WDPCP: variants seen among roughly 807,000 people sequenced by gnomAD.
WDPCP encodes WD repeat containing planar cell polarity effector.
WDPCP carries 71 observed loss-of-function variants against 93.1 expected under a neutral mutation model. The observed-to-expected ratio is 0.76, with a 90% confidence interval of 0.63 to 0.93. The LOEUF (loss-of-function observed/expected upper bound fraction) is 0.93, where lower values mean the gene tolerates loss of function less well. WDPCP is among the 40% of genes least tolerant of loss of function. The pLI, the probability that WDPCP is intolerant of heterozygous loss-of-function variation, is 0.00. For synonymous variants in WDPCP, 315 were observed against 315.0 expected, an observed-to-expected ratio of 1.00 and a Z score of 0.00; for missense variants, 844 against 887.4, an observed-to-expected ratio of 0.95 and a Z score of 0.62.
intron 15 of WDPCP, among the ~76,000 whole-genome samples, chr2:63,161,984 G>A (rs1672678757): frequency 6.6e-6 from 1 of 152,006 alleles, no homozygotes; most frequent in African/African-American, 2.4e-5. Context: ...TGGCCAGGCT[G>A]GTCTTGAACT....
At chr2:63,784,024 C>A (rs1302330980) in intron 2 of WDPCP, among the ~76,000 whole-genome samples, 4 of 152,292 alleles carry the variant, frequency 2.6e-5, no homozygotes, top group East Asian at 3.9e-4. Flanking sequence ...GTTTGTGTAA[C>A]CTTTATTCAT....
chr2:63,511,409 T>C (rs539236723), intron 1 of WDPCP, among the ~76,000 whole-genome samples: 1 of 152,284 alleles, frequency 6.6e-6, no homozygotes, highest in East Asian at 1.9e-4. Context: ...TTAAATTTCA[T>C]ATGGAACCAA....
intron 14 of WDPCP, among the ~76,000 whole-genome samples, chr2:63,213,884 A>C (rs1677065113): frequency 6.6e-6 from 1 of 152,170 alleles, no homozygotes; most frequent in Non-Finnish European, 1.5e-5. Context: ...GAAATGGATA[A>C]ATTCCTGTAC....
At chr2:63,182,201 A>G (rs1674297939) in intron 14 of WDPCP, among the ~76,000 whole-genome samples, 1 of 152,068 alleles carries the variant, frequency 6.6e-6, no homozygotes, top group Non-Finnish European at 1.5e-5. Context: ...GAGTGGTGAA[A>G]GTGGTCATCA....
At chr2:63,204,743 TGG>T (rs1676200843) in intron 14 of WDPCP, among the ~76,000 whole-genome samples, 1 of 152,168 alleles carries the variant, frequency 6.6e-6, no homozygotes, top group Non-Finnish European at 1.5e-5. Flanking sequence ...TTATATATTC[TGG>T]TTATTAATCC....
chr2:63,433,754 T>A lies in WDPCP; in HGVS notation c.816A>T (p.Gly272=). Reference sequence around the variant, plus strand: ...TTTGTTTTAGATTTACCTCTAGTCTTCCTTGAGCATAACCCAGGAGGAGTA... The same window carrying A: ...TTTGTTTTAGATTTACCTCTAGTCTACCTTGAGCATAACCCAGGAGGAGTA... ...ANLLLLGYAQ[G]RLEVLSSVRT... The change falls in exon 9 of 18, where the codon GGA becomes GGT. Residue 272 remains glycine (G), a synonymous_variant. Transcript: ENST00000272321. 6.2e-7 allele frequency: 1 copy of A among 1,613,012 alleles called. No individual in the cohort carries two copies. The highest frequency in any genetic ancestry group is 8.5e-7 in the Non-Finnish European group (1 of 1,179,412).
chr2:63,795,868 TC>T (rs1452511408), intron 2 of WDPCP, among the ~76,000 whole-genome samples: 1 of 152,208 alleles, frequency 6.6e-6, no homozygotes, highest in Admixed American at 6.5e-5. Flanking sequence ...CTCCGATTAT[TC>T]CTTATTGAAA....
intron 17 of WDPCP, among the ~76,000 whole-genome samples, chr2:63,140,922 C>G (rs1251137127): frequency 1.3e-5 from 2 of 152,100 alleles, no homozygotes; most frequent in African/African-American, 4.8e-5. Context: ...CAACTTTTCC[C>G]CATTCAGTAT....
At chr2:63,605,852 A>C (rs1709516930) in intron 3 of WDPCP, 1 of 1,076,382 alleles carries the variant, frequency 9.3e-7, no homozygotes, top group Admixed American at 1.7e-5. Context: ...ACATAGTAAG[A>C]AAGGGTCACC....
chr2:63,320,411 G>A (rs1188955297), intron 12 of WDPCP, among the ~76,000 whole-genome samples: 1 of 152,070 alleles, frequency 6.6e-6, no homozygotes, highest in Admixed American at 6.6e-5. Flanking sequence ...GTAAATACCT[G>A]GGCAAATATA....
At chr2:63,390,867 A>G (rs1031528520) in intron 10 of WDPCP, among the ~76,000 whole-genome samples, 5 of 152,252 alleles carry the variant, frequency 3.3e-5, no homozygotes, top group Admixed American at 2.6e-4. Context: ...GAATAAACCA[A>G]TAACAGGCTC....
At chr2:63,589,533 TGCA>T, upstream of WDPCP, 2 of 774,756 alleles carry the variant, frequency 2.6e-6, no homozygotes, top group South Asian at 3.2e-5. Context: ...GATCTGCGTT[TGCA>T]GCAGACGTGT....
chr2:63,832,354 C>A (rs1480253101), upstream of WDPCP, among the ~76,000 whole-genome samples: 1 of 152,108 alleles, frequency 6.6e-6, no homozygotes, highest in Non-Finnish European at 1.5e-5. Flanking sequence ...CTTCTTGAGT[C>A]ACATAACATT....
At chr2:63,553,541 T>G (rs1705840336) in intron 1 of WDPCP, among the ~76,000 whole-genome samples, 1 of 152,166 alleles carries the variant, frequency 6.6e-6, no homozygotes, top group African/African-American at 2.4e-5. Flanking sequence ...TCAACATGTC[T>G]CATGTTGACC....
intron 3 of WDPCP, chr2:63,594,977 G>A (rs1404338707): frequency 1.6e-5 from 4 of 248,276 alleles, no homozygotes; most frequent in Admixed American, 5.1e-5. Flanking sequence ...CAGGCACTCC[G>A]ACTTCCAGCA....
At chr2:63,781,127 T>C (rs1317902354) in intron 2 of WDPCP, among the ~76,000 whole-genome samples, 1 of 152,190 alleles carries the variant, frequency 6.6e-6, no homozygotes, top group Non-Finnish European at 1.5e-5. Context: ...CCCCACTCTG[T>C]ATTATTACTT....
intron 1 of WDPCP, among the ~76,000 whole-genome samples, chr2:63,530,985 G>A (rs757084670): frequency 3.9e-5 from 6 of 152,204 alleles, no homozygotes; most frequent in Non-Finnish European, 4.4e-5. Flanking sequence ...GGACACTCCC[G>A]CCCTAATACT....
At chr2:63,203,271 G>C (rs1004792944) in intron 14 of WDPCP, among the ~76,000 whole-genome samples, 1 of 152,004 alleles carries the variant, frequency 6.6e-6, no homozygotes, top group Non-Finnish European at 1.5e-5. Flanking sequence ...TGTGGAAATG[G>C]GGTATCCATC....
At chr2:63,774,313 T>C (rs1670271005) in intron 2 of WDPCP, among the ~76,000 whole-genome samples, 1 of 152,136 alleles carries the variant, frequency 6.6e-6, no homozygotes, top group African/African-American at 2.4e-5. Context: ...AAGGCATAGC[T>C]GCAGATAGAA....
Sources: gnomAD v4.1 joint callset for allele counts (sites outside exome capture counted in the v4.1 genomes callset) on GRCh38, gnomAD v4.1.1 for gene constraint, MANE v1.5 for transcripts, NCBI Gene and HGNC (gene_info 2026-07-23, HGNC 2026-07-21) for gene names.